Variants in LIMD1 observed in about 807,000 individuals in gnomAD.
The protein encoded by LIMD1 is LIM domain containing 1.
Under a neutral mutation model 58.4 loss-of-function variants are expected in LIMD1, and 23 were observed. That is an observed-to-expected ratio of 0.39 (90% CI 0.28 to 0.56). The LOEUF is 0.56. Among genes scored for constraint, LIMD1 ranks in the 20% least tolerant of loss-of-function variants. The probability of loss-of-function intolerance (pLI) is 0.57; values close to 1 mark genes in which losing one functional copy is unlikely to be tolerated. For synonymous variants in LIMD1, 334 were observed against 345.5 expected, an observed-to-expected ratio of 0.97 and a Z score of 0.37; for missense variants, 838 against 855.5, an observed-to-expected ratio of 0.98 and a Z score of 0.25.
chr3:45,676,164 C>T (rs1347326331), intron 7 of LIMD1, among the ~76,000 whole-genome samples: 2 of 152,026 alleles, frequency 1.3e-5, no homozygotes, highest in South Asian at 2.1e-4. Flanking sequence ...ATTCCTTGAA[C>T]GGGGGAGGTG....
chr3:45,652,043 C>G (rs555691966), intron 2 of LIMD1, among the ~76,000 whole-genome samples: 1 of 152,134 alleles, frequency 6.6e-6, no homozygotes, highest in East Asian at 1.9e-4. Flanking sequence ...TCTCACGGGT[C>G]AGCCTCCTAA....
chr3:45,638,535 C>A (rs1184494179), intron 2 of LIMD1, among the ~76,000 whole-genome samples: 1 of 152,158 alleles, frequency 6.6e-6, no homozygotes, highest in Non-Finnish European at 1.5e-5. Flanking sequence ...ACCACATTTT[C>A]TTTATTCAGT....
intron 2 of LIMD1, among the ~76,000 whole-genome samples, chr3:45,660,653 T>G (rs1228969293): frequency 1.3e-5 from 2 of 152,082 alleles, no homozygotes; most frequent in Admixed American, 1.3e-4. Context: ...TGATCTCAAG[T>G]GGTCCAACAG....
At chr3:45,645,479 GA>G (rs1186031206) in intron 2 of LIMD1, among the ~76,000 whole-genome samples, 1 of 152,170 alleles carries the variant, frequency 6.6e-6, no homozygotes, top group Non-Finnish European at 1.5e-5. Context: ...GTTTTTGTTG[GA>G]AGTCTGTACC....
intron 1 of LIMD1, among the ~76,000 whole-genome samples, chr3:45,614,618 G>C (rs949424381): frequency 1.3e-5 from 2 of 151,880 alleles, no homozygotes; most frequent in Non-Finnish European, 2.9e-5. Context: ...AGGTACCGGG[G>C]AGGCTGAGGT....
intron 1 of LIMD1, among the ~76,000 whole-genome samples, chr3:45,616,676 GTTC>G (rs1410395310): frequency 3.3e-5 from 5 of 151,948 alleles, no homozygotes; most frequent in Non-Finnish European, 5.9e-5. Context: ...AGATGTGTTG[GTTC>G]TTCAAGATTC....
At position 45,677,132 on chromosome 3, in the gene LIMD1, G is replaced by C; in HGVS notation, c.*73G>C. Reference sequence around the variant, plus strand: ...GCTGCTGCTGCTTCCGGTGGCCCCTGGGGTGGAAGTGGGGTAGGGGAAGAG... The same window carrying C: ...GCTGCTGCTGCTTCCGGTGGCCCCTCGGGTGGAAGTGGGGTAGGGGAAGAG... On this transcript the variant is annotated 3_prime_UTR_variant, in exon 8 of 8. Transcript: ENST00000273317. 6.4e-7 allele frequency: 1 copy of C among 1,558,716 alleles called. No homozygotes were observed. The highest frequency in any genetic ancestry group is 8.7e-7 in the Non-Finnish European group (1 of 1,144,930).
intron 2 of LIMD1, among the ~76,000 whole-genome samples, chr3:45,651,977 A>C (rs921359736): frequency 1.2e-4 from 18 of 151,856 alleles, no homozygotes; most frequent in African/African-American, 4.3e-4. Flanking sequence ...CCCAGGCTGG[A>C]GTGCAATGGT....
At position 45,641,536 on chromosome 3, in the gene LIMD1, A is replaced by G. The variant is rs117581439; in HGVS notation, c.1510+5285A>G. 1.2e-3 allele frequency among the ~76,000 whole-genome samples: 179 copies of G among 150,112 alleles called. 4 individuals are homozygous for G. In the East Asian group the frequency reaches 0.029, roughly 24 times the overall value. ...TATTTTATTTATATTTTTTATATAT[A>G]TATAGCATATGGCATATGGAGGTAT... On this transcript the variant is annotated intron_variant, in intron 2 of 7. Transcript: ENST00000273317.
chr3:45,615,623 G>A (rs548032325), intron 1 of LIMD1, among the ~76,000 whole-genome samples: 122 of 152,182 alleles, frequency 8.0e-4, no homozygotes, highest in African/African-American at 2.6e-3. Context: ...GGGCAAGGTG[G>A]TGCGTGCCTG....
chr3:45,654,268 A>C (rs1702003676), intron 2 of LIMD1, among the ~76,000 whole-genome samples: 1 of 152,116 alleles, frequency 6.6e-6, no homozygotes, highest in Non-Finnish European at 1.5e-5. Context: ...TTGCATTTTT[A>C]CTTCTCAGGG....
intron 1 of LIMD1, chr3:45,632,401 A>T (rs1701743440): frequency 2.9e-6 from 1 of 350,530 alleles, no homozygotes; most frequent in Non-Finnish European, 4.0e-6. Flanking sequence ...TGTCCATAGA[A>T]CCCATTTCTC....
rs1487660103 is a variant in LIMD1, at chr3:45,596,208, T to G, written c.1329T>G (p.Ser443=). The change falls in exon 1 of 8, where the codon TCT becomes TCG. Residue 443 remains serine, a synonymous_variant. Coordinates refer to ENST00000273317, the MANE Select transcript of LIMD1 (RefSeq NM_014240.3). The part of the protein sequence containing the change: ...PLVPGPELRP[S]AAELKLEALT... Reference sequence around the variant, plus strand: ...TCCCAGGTCCTGAGCTGAGACCCTCTGCTGCTGAGTTGAAATTAGAAGCCC... The same window carrying G: ...TCCCAGGTCCTGAGCTGAGACCCTCGGCTGCTGAGTTGAAATTAGAAGCCC... 1 of 1,613,510 alleles carries G rather than the reference T, an allele frequency of 6.2e-7. No individual in the cohort carries two copies. Among genetic ancestry groups the G allele is most frequent in the Non-Finnish European group, 8.5e-7 (1 of 1,179,846 alleles).
intron 3 of LIMD1, among the ~76,000 whole-genome samples, chr3:45,666,695 A>G (rs1326580587): frequency 6.6e-6 from 1 of 152,116 alleles, no homozygotes; most frequent in Non-Finnish European, 1.5e-5. Flanking sequence ...CCTGAGCAGT[A>G]TGTCTGCTTA....
chr3:45,650,685 C>T, intron 2 of LIMD1, among the ~76,000 whole-genome samples: 1 of 152,086 alleles, frequency 6.6e-6, no homozygotes, highest in East Asian at 1.9e-4. Flanking sequence ...TTTATGGCTG[C>T]ATAGTATTCC....
At chr3:45,656,492 T>A (rs1162470232) in intron 2 of LIMD1, among the ~76,000 whole-genome samples, 1 of 151,380 alleles carries the variant, frequency 6.6e-6, no homozygotes, top group Non-Finnish European at 1.5e-5. Context: ...TCAACCGTAA[T>A]ATAGTAAGTG....
intron 2 of LIMD1, among the ~76,000 whole-genome samples, chr3:45,655,842 A>G (rs1392124922): frequency 6.6e-6 from 1 of 152,226 alleles, no homozygotes; most frequent in Admixed American, 6.5e-5. Context: ...CAGTGAGGAC[A>G]GTGAAATTTG....
At chr3:45,632,889 C>T (rs1256326687) in intron 1 of LIMD1, among the ~76,000 whole-genome samples, 3 of 152,164 alleles carry the variant, frequency 2.0e-5, no homozygotes, top group African/African-American at 4.8e-5. Context: ...TCCAGGGTGA[C>T]GAGACCGCTT....
At chr3:45,641,916 T>C (rs58038016) in intron 2 of LIMD1, among the ~76,000 whole-genome samples, 4,608 of 152,272 alleles carry the variant, frequency 0.03, 76 homozygotes, top group Non-Finnish European at 0.041. Flanking sequence ...AGGCAGAAAT[T>C]CCCATACCTC....
Sources: gnomAD v4.1 joint callset for allele counts (sites outside exome capture counted in the v4.1 genomes callset) on GRCh38, gnomAD v4.1.1 for gene constraint, MANE v1.5 for transcripts, NCBI Gene and HGNC (gene_info 2026-07-23, HGNC 2026-07-21) for gene names.